PIP5K1B: variants seen among roughly 807,000 people sequenced by gnomAD.
PIP5K1B encodes phosphatidylinositol-4-phosphate 5-kinase type 1 beta.
PIP5K1B carries 42 observed loss-of-function variants against 67.0 expected under a neutral mutation model. The ratio of observed to expected loss-of-function variants is 0.63; its 90% CI spans 0.49 to 0.81. The LOEUF (loss-of-function observed/expected upper bound fraction) is 0.81. Among genes scored for constraint, PIP5K1B ranks in the 30% least tolerant of loss-of-function variants. PIP5K1B has a pLI of 0.00. For synonymous variants in PIP5K1B, 214 were observed against 231.4 expected, an observed-to-expected ratio of 0.92 and a Z score of 0.68; for missense variants, 459 against 646.3, an observed-to-expected ratio of 0.71 and a Z score of 3.14.
intron 4 of PIP5K1B, among the ~76,000 whole-genome samples, chr9:68,832,282 G>A (rs954974579): frequency 6.6e-6 from 1 of 152,212 alleles, no homozygotes; most frequent in Admixed American, 6.5e-5. Context: ...TGTCAAGTTA[G>A]GAGAAGAACA....
chr9:68,915,981 C>T (rs1403355446), intron 8 of PIP5K1B, among the ~76,000 whole-genome samples: 1 of 152,206 alleles, frequency 6.6e-6, no homozygotes, highest in African/African-American at 2.4e-5. Flanking sequence ...CAGGCCTGAT[C>T]CCCTCTTTAC....
At chr9:68,792,168 G>T (rs1587458213) in intron 2 of PIP5K1B, among the ~76,000 whole-genome samples, 1 of 152,300 alleles carries the variant, frequency 6.6e-6, no homozygotes, top group Non-Finnish European at 1.5e-5. Context: ...AATTGTATTT[G>T]TATGGTTTCT....
intron 13 of PIP5K1B, among the ~76,000 whole-genome samples, chr9:68,939,186 G>C (rs1414960645): frequency 6.6e-6 from 1 of 152,176 alleles, no homozygotes; most frequent in African/African-American, 2.4e-5. Flanking sequence ...GGAGCATGAG[G>C]AAACACTTCT....
At chr9:68,811,296 G>A (rs1833150710) in intron 2 of PIP5K1B, among the ~76,000 whole-genome samples, 4 of 151,984 alleles carry the variant, frequency 2.6e-5, no homozygotes, top group African/African-American at 9.7e-5. Flanking sequence ...TCATTGGGTC[G>A]TTTGTCCTTA....
At chr9:68,840,131 C>T (rs909609512) in intron 4 of PIP5K1B, among the ~76,000 whole-genome samples, 1 of 152,126 alleles carries the variant, frequency 6.6e-6, no homozygotes, top group East Asian at 1.9e-4. Context: ...AATCCCAGCA[C>T]GTTGGGAGGC....
At chr9:68,835,391 C>G (rs1452286347) in intron 4 of PIP5K1B, among the ~76,000 whole-genome samples, 1 of 152,212 alleles carries the variant, frequency 6.6e-6, no homozygotes, top group African/African-American at 2.4e-5. Context: ...TTGTGCAAGA[C>G]AATGGCTGAG....
chr9:68,838,735 C>T (rs928095489), intron 4 of PIP5K1B, among the ~76,000 whole-genome samples: 5 of 152,182 alleles, frequency 3.3e-5, no homozygotes, highest in African/African-American at 1.2e-4. Flanking sequence ...ACTTGTACCC[C>T]TGAATCTAAA....
At chr9:68,766,931 A>T (rs1473274130) in intron 2 of PIP5K1B, among the ~76,000 whole-genome samples, 1 of 152,228 alleles carries the variant, frequency 6.6e-6, no homozygotes, top group African/African-American at 2.4e-5. Flanking sequence ...TGAAAGAAAT[A>T]AAAATGTTAT....
chr9:68,775,819 T>C (rs1484174802), intron 2 of PIP5K1B, among the ~76,000 whole-genome samples: 2 of 152,212 alleles, frequency 1.3e-5, no homozygotes, highest in Admixed American at 6.5e-5. Flanking sequence ...ACTTAATTTC[T>C]TTCATTCAAC....
intron 6 of PIP5K1B, among the ~76,000 whole-genome samples, chr9:68,883,076 A>G (rs1824279603): frequency 6.6e-6 from 1 of 152,232 alleles, no homozygotes. Flanking sequence ...GGTTTTCAAA[A>G]GCATTCACTT....
chr9:68,837,780 C>A (rs1169769467), intron 4 of PIP5K1B, among the ~76,000 whole-genome samples: 2 of 151,632 alleles, frequency 1.3e-5, no homozygotes, highest in African/African-American at 4.8e-5. Flanking sequence ...TCAAAAATTT[C>A]TTAGTGATGT....
chr9:68,834,857 A>T (rs1834513023), intron 4 of PIP5K1B, among the ~76,000 whole-genome samples: 1 of 152,154 alleles, frequency 6.6e-6, no homozygotes, highest in South Asian at 2.1e-4. Flanking sequence ...GGCATCCTGA[A>T]GTCCCCTCAT....
At chr9:68,781,101 G>C in intron 2 of PIP5K1B, 1 of 1,512,222 alleles carries the variant, frequency 6.6e-7, no homozygotes, top group Non-Finnish European at 8.9e-7. Flanking sequence ...ACTGAACTTT[G>C]TCAATTAATT....
intron 14 of PIP5K1B, among the ~76,000 whole-genome samples, chr9:68,955,477 A>C (rs1828338196): frequency 6.6e-6 from 1 of 152,250 alleles, no homozygotes; most frequent in African/African-American, 2.4e-5. Context: ...AGACAGATTT[A>C]AAATTCATTT....
At chr9:68,748,214 A>G (rs1215382759) in intron 2 of PIP5K1B, among the ~76,000 whole-genome samples, 1 of 152,250 alleles carries the variant, frequency 6.6e-6, no homozygotes, top group Non-Finnish European at 1.5e-5. Context: ...GACTTGAGTC[A>G]GTGCTTCATT....
rs187559753 is a variant in PIP5K1B at position 68,888,112 on chromosome 9, G to A, written c.319-869G>A. Reference sequence around the variant, plus strand: ...TTCTGCCTCAGCCTCCCGAGTAGCCGGGACTACAGGCACGTGCCACCACGC... The same window carrying A: ...TTCTGCCTCAGCCTCCCGAGTAGCCAGGACTACAGGCACGTGCCACCACGC... On this transcript the variant is annotated intron_variant, in intron 6 of 15. Coordinates refer to ENST00000265382, the MANE Select transcript of PIP5K1B (RefSeq NM_003558.4). 2.4e-3 allele frequency among the ~76,000 whole-genome samples: 372 copies of A among 152,114 alleles called. 3 individuals carry two copies. The highest frequency in any genetic ancestry group is 8.5e-3 in the African/African-American group (354 of 41,498).
At chr9:68,724,689 G>A (rs1416049869) in intron 1 of PIP5K1B, among the ~76,000 whole-genome samples, 1 of 151,714 alleles carries the variant, frequency 6.6e-6, no homozygotes, top group Non-Finnish European at 1.5e-5. Context: ...TGTAGTTATT[G>A]TAAGTGGGGT....
In PIP5K1B at chr9:68,822,613, A is replaced by T; in HGVS notation, c.1-2A>T. ...TCAAAGGGCAGTGTGTTTCTCTTGT[A>T]GATGTCTTCTGCTGCTGAAAATGGA... On this transcript the variant is annotated splice_acceptor_variant, in intron 3 of 15. Coordinates refer to ENST00000265382, the MANE Select transcript of PIP5K1B (RefSeq NM_003558.4). LOFTEE classifies it low-confidence loss of function (5UTR_SPLICE). 4.3e-6 allele frequency: 7 copies of T among 1,609,898 alleles called. No homozygotes were observed. Among genetic ancestry groups the T allele is most frequent in the Non-Finnish European group, 5.9e-6 (7 of 1,176,574 alleles).
At chr9:68,872,677 A>AT (rs1823686270) in intron 5 of PIP5K1B, among the ~76,000 whole-genome samples, 1 of 151,838 alleles carries the variant, frequency 6.6e-6, no homozygotes. Flanking sequence ...TCCTTCAAGG[A>AT]TTTTTTATGT....
Sources: gnomAD v4.1 joint callset for allele counts (sites outside exome capture counted in the v4.1 genomes callset) on GRCh38, gnomAD v4.1.1 for gene constraint, MANE v1.5 for transcripts, NCBI Gene and HGNC (gene_info 2026-07-23, HGNC 2026-07-21) for gene names.